STXBP5L: variants seen among roughly 807,000 people sequenced by gnomAD.
STXBP5L encodes syntaxin-binding protein 5-like.
Under a neutral mutation model 144.5 loss-of-function variants are expected in STXBP5L, and 65 were observed. That is an observed-to-expected ratio of 0.45 (90% CI 0.37 to 0.55). The LOEUF is 0.55. Ranked by LOEUF, STXBP5L falls within the 20% of genes least tolerant of loss-of-function variation. The pLI is 0.00. For missense variants in STXBP5L, 1,298 were observed against 1,405.5 expected, an observed-to-expected ratio of 0.92 and a Z score of 1.22; for synonymous variants, 505 against 469.6, an observed-to-expected ratio of 1.08 and a Z score of -0.97.
chr3:121,078,165 C>A (rs533850485), intron 5 of STXBP5L, among the ~76,000 whole-genome samples: 1 of 152,004 alleles, frequency 6.6e-6, no homozygotes, highest in Non-Finnish European at 1.5e-5. Context: ...CATTCACAAA[C>A]CCTGAACTAG....
intron 3 of STXBP5L, among the ~76,000 whole-genome samples, chr3:120,992,575 T>A (rs190728183): frequency 6.6e-6 from 1 of 152,284 alleles, no homozygotes; most frequent in East Asian, 1.9e-4. Flanking sequence ...GACTGGCTGA[T>A]TTTACTTAAC....
chr3:121,154,656 C>T (rs181102462), intron 8 of STXBP5L, among the ~76,000 whole-genome samples: 1 of 151,806 alleles, frequency 6.6e-6, no homozygotes, highest in African/African-American at 2.4e-5. Flanking sequence ...TCAAATATTA[C>T]CTTTATGCTA....
intron 9 of STXBP5L, among the ~76,000 whole-genome samples, chr3:121,202,718 G>A (rs2048183327): frequency 6.6e-6 from 1 of 151,930 alleles, no homozygotes; most frequent in African/African-American, 2.4e-5. Context: ...TTTTAAATAT[G>A]TCATATCACA....
chr3:120,923,273 A>G (rs999940996), intron 2 of STXBP5L, among the ~76,000 whole-genome samples: 2 of 151,172 alleles, frequency 1.3e-5, no homozygotes, highest in Middle Eastern at 3.2e-3. Context: ...GTCTATTTAC[A>G]TTTTCAAAAG....
chr3:120,985,060 G>T (rs888379352), intron 3 of STXBP5L, among the ~76,000 whole-genome samples: 3 of 151,904 alleles, frequency 2.0e-5, no homozygotes, highest in Non-Finnish European at 4.4e-5. Flanking sequence ...TATTTGGTTT[G>T]CTAGTATTTT....
At position 121,063,446 on chromosome 3, in the gene STXBP5L, G is replaced by T. The variant is rs1447640010; in HGVS notation, c.470+17911G>T. 2.6e-5 allele frequency among the ~76,000 whole-genome samples: 4 copies of T among 152,334 alleles called. No homozygotes were observed. The East Asian group carries it at 7.7e-4, about 29-fold the overall frequency. ...AGGTATCTGTCAACCCCTGCTGGGA[G>T]GTGTCTCCCAGTCAGGAGTTATGGG... On this transcript the variant is annotated intron_variant, in intron 5 of 26. Transcript: ENST00000471454.
chr3:121,100,008 C>T (rs1020450903), intron 5 of STXBP5L, among the ~76,000 whole-genome samples: 1 of 152,078 alleles, frequency 6.6e-6, no homozygotes, highest in Non-Finnish European at 1.5e-5. Context: ...TAAAGAAGGA[C>T]ATTACATAAT....
intron 7 of STXBP5L, among the ~76,000 whole-genome samples, chr3:121,141,707 A>C (rs1213405300): frequency 6.6e-6 from 1 of 152,188 alleles, no homozygotes; most frequent in Non-Finnish European, 1.5e-5. Context: ...TATTGCTTAA[A>C]ATAGAGCATT....
At chr3:121,210,371 T>A (rs1240801911) in intron 10 of STXBP5L, among the ~76,000 whole-genome samples, 1 of 152,046 alleles carries the variant, frequency 6.6e-6, no homozygotes, top group East Asian at 1.9e-4. Flanking sequence ...TTTCTCCCAT[T>A]CTGTAGGTTG....
chr3:121,392,657 A>G (rs1406322356), intron 22 of STXBP5L, among the ~76,000 whole-genome samples: 1 of 151,708 alleles, frequency 6.6e-6, no homozygotes, highest in African/African-American at 2.4e-5. Flanking sequence ...CTTTCACTAC[A>G]TATCCTGGGC....
chr3:121,378,391 T>C (rs1229104225), intron 20 of STXBP5L, among the ~76,000 whole-genome samples: 4 of 152,278 alleles, frequency 2.6e-5, no homozygotes, highest in South Asian at 4.1e-4. Context: ...TTAAAGTACT[T>C]TCATTGTATA....
At chr3:120,984,968 A>G (rs1295453896) in intron 3 of STXBP5L, among the ~76,000 whole-genome samples, 1 of 152,062 alleles carries the variant, frequency 6.6e-6, no homozygotes, top group African/African-American at 2.4e-5. Context: ...ACATTGATCA[A>G]TATTCATATG....
intron 5 of STXBP5L, among the ~76,000 whole-genome samples, chr3:121,112,533 AG>A (rs377734281): frequency 1.5e-4 from 23 of 149,248 alleles, no homozygotes; most frequent in African/African-American, 5.7e-4. Context: ...ATTCACTTGC[AG>A]TTTTCGTTCT....
chr3:121,088,416 G>A (rs1428970131), intron 5 of STXBP5L, among the ~76,000 whole-genome samples: 3 of 114,878 alleles, frequency 2.6e-5, no homozygotes, highest in Non-Finnish European at 3.5e-5. Context: ...CAGTTAGAAT[G>A]GCAATCATTA....
chr3:121,412,047 T>TCATTTA (rs2047125025), intron 23 of STXBP5L, among the ~76,000 whole-genome samples: 1 of 151,302 alleles, frequency 6.6e-6, no homozygotes, highest in South Asian at 2.1e-4. Flanking sequence ...CCTGTGATTT[T>TCATTTA]TATGATTTTA....
intron 3 of STXBP5L, among the ~76,000 whole-genome samples, chr3:120,968,040 T>C (rs1207403691): frequency 6.6e-6 from 1 of 152,214 alleles, no homozygotes; most frequent in East Asian, 1.9e-4. Flanking sequence ...TCCTAGAGAA[T>C]GTTGCATGTG....
At chr3:121,060,626 A>G (rs141552646) in intron 5 of STXBP5L, among the ~76,000 whole-genome samples, 2 of 152,310 alleles carry the variant, frequency 1.3e-5, no homozygotes, top group East Asian at 1.9e-4. Flanking sequence ...TTGTTAGGCT[A>G]TTAATTACTG....
intron 5 of STXBP5L, among the ~76,000 whole-genome samples, chr3:121,106,446 C>T (rs2043712429): frequency 6.6e-6 from 1 of 152,090 alleles, no homozygotes. Context: ...TGTTGTTCCC[C>T]ATGTATTCTC....
intron 9 of STXBP5L, among the ~76,000 whole-genome samples, chr3:121,191,018 G>A (rs1559846077): frequency 6.6e-6 from 1 of 151,844 alleles, no homozygotes; most frequent in Non-Finnish European, 1.5e-5. Context: ...TTCCTAGACG[G>A]GATGACTGCT....
Sources: gnomAD v4.1 joint callset for allele counts (sites outside exome capture counted in the v4.1 genomes callset) on GRCh38, gnomAD v4.1.1 for gene constraint, MANE v1.5 for transcripts, NCBI Gene and HGNC (gene_info 2026-07-23, HGNC 2026-07-21) for gene names.